The following RGS6 variants were observed in gnomAD, a reference collection of about 807,000 sequenced individuals.
RGS6 encodes the protein regulator of G-protein signaling 6.
RGS6 carries 30 observed loss-of-function variants against 78.5 expected under a neutral mutation model. The ratio of observed to expected loss-of-function variants is 0.38; its 90% CI spans 0.29 to 0.52. The LOEUF (loss-of-function observed/expected upper bound fraction) is 0.52, where lower values mean the gene tolerates loss of function less well. RGS6 is among the 20% of genes least tolerant of loss of function. The pLI is 0.85. For missense variants in RGS6, 495 were observed against 609.7 expected, an observed-to-expected ratio of 0.81 and a Z score of 1.98; for synonymous variants, 206 against 206.0, an observed-to-expected ratio of 1.00 and a Z score of 0.00.
rs547177062 is a variant in RGS6 at position 72,434,130 on chromosome 14, G to A, written c.185-20398G>A. Among the ~76,000 whole-genome samples, 7 of 152,048 alleles carry A rather than the reference G, an allele frequency of 4.6e-5. No homozygotes were observed. The East Asian group carries it at 1.2e-3, about 25-fold the overall frequency. On this transcript the variant is annotated intron_variant, in intron 3 of 17. Transcript: ENST00000553525. ...GCAGGAGGATCTCTTGAGCCCAGGA[G>A]TTTGAGATCAGCCTGGGCAAGGTAG...
At chr14:72,398,397 A>C (rs1053876337) in intron 3 of RGS6, among the ~76,000 whole-genome samples, 4 of 152,154 alleles carry the variant, frequency 2.6e-5, no homozygotes, top group Non-Finnish European at 4.4e-5. Context: ...CAGTGGTGAT[A>C]TCCCCTTTAT....
At chr14:71,884,999 T>C in the RGS6 span, among the ~76,000 whole-genome samples, 2 of 152,210 alleles carry the variant, frequency 1.3e-5, no homozygotes, top group Admixed American at 6.5e-5. Context: ...ACCTCCACCA[T>C]CCCCATTTTC....
chr14:71,959,136 G>T (rs183738905), intron 1 of RGS6, among the ~76,000 whole-genome samples: 1 of 152,252 alleles, frequency 6.6e-6, no homozygotes, highest in East Asian at 1.9e-4. Context: ...CGAATATATA[G>T]GAAATGTCAA....
chr14:72,256,415 A>G (rs2057092973), intron 2 of RGS6, among the ~76,000 whole-genome samples: 1 of 152,198 alleles, frequency 6.6e-6, no homozygotes, highest in Non-Finnish European at 1.5e-5. Context: ...GATGTTATCT[A>G]TAGGAGCAAT....
intron 2 of RGS6, among the ~76,000 whole-genome samples, chr14:72,345,856 A>G (rs1342377442): frequency 6.6e-6 from 1 of 152,240 alleles, no homozygotes; most frequent in East Asian, 1.9e-4. Flanking sequence ...TTTAAAAATA[A>G]AAAAGAGAAA....
chr14:72,070,421 CTTA>C (rs1797652041), intron 2 of RGS6, among the ~76,000 whole-genome samples: 1 of 152,176 alleles, frequency 6.6e-6, no homozygotes, highest in Non-Finnish European at 1.5e-5. Context: ...TGAGTTTTCA[CTTA>C]TTATAGTAAA....
At chr14:72,597,253 A>AGAGG in the RGS6 span, among the ~76,000 whole-genome samples, 62,673 of 150,150 alleles carry the variant, frequency 0.42, 14,156 homozygotes, top group East Asian at 0.75. Flanking sequence ...AAAAAGAAAG[A>AGAGG]GAGAGATAGT....
At chr14:72,050,361 A>G (rs895759687) in intron 2 of RGS6, among the ~76,000 whole-genome samples, 1 of 152,204 alleles carries the variant, frequency 6.6e-6, no homozygotes, top group Non-Finnish European at 1.5e-5. Context: ...CCTGTATGCA[A>G]AGCATGGAAG....
At chr14:72,487,979 C>G (rs2096520836) in intron 12 of RGS6, among the ~76,000 whole-genome samples, 2 of 152,124 alleles carry the variant, frequency 1.3e-5, no homozygotes, top group Admixed American at 6.5e-5. Flanking sequence ...CTCTTATAGC[C>G]CCAATACGTG....
At chr14:72,342,574 A>AAC (rs2077212374) in intron 2 of RGS6, among the ~76,000 whole-genome samples, 1 of 150,540 alleles carries the variant, frequency 6.6e-6, no homozygotes, top group Non-Finnish European at 1.5e-5. Context: ...TTAAAAAAAA[A>AAC]AAAAAACTAT....
At chr14:72,048,330 C>T (rs777233049) in intron 2 of RGS6, among the ~76,000 whole-genome samples, 2 of 152,294 alleles carry the variant, frequency 1.3e-5, no homozygotes, top group African/African-American at 2.4e-5. Flanking sequence ...CTTTAACTCA[C>T]TTCTCCAGGT....
At chr14:72,348,529 A>G (rs973953303) in intron 2 of RGS6, among the ~76,000 whole-genome samples, 7 of 152,246 alleles carry the variant, frequency 4.6e-5, no homozygotes, top group African/African-American at 1.7e-4. Context: ...AGAAACCATG[A>G]CAAGGAATTT....
intron 13 of RGS6, among the ~76,000 whole-genome samples, chr14:72,496,335 C>T (rs2096644910): frequency 1.3e-5 from 2 of 152,184 alleles, no homozygotes; most frequent in South Asian, 4.1e-4. Flanking sequence ...ATGGCAGATA[C>T]TGCATAAACT....
At chr14:72,580,404 G>T in the RGS6 span, among the ~76,000 whole-genome samples, 1 of 148,228 alleles carries the variant, frequency 6.7e-6, no homozygotes, top group Non-Finnish European at 1.5e-5. Flanking sequence ...AATTGTTCTT[G>T]CTCTGACCTG....
At chr14:72,166,755 G>T (rs2096933509) in intron 2 of RGS6, among the ~76,000 whole-genome samples, 1 of 152,192 alleles carries the variant, frequency 6.6e-6, no homozygotes, top group Non-Finnish European at 1.5e-5. Flanking sequence ...ATTGATCTCA[G>T]AAGATATAAC....
chr14:72,233,011 C>A (rs555939509), intron 2 of RGS6, among the ~76,000 whole-genome samples: 10 of 152,302 alleles, frequency 6.6e-5, no homozygotes, highest in Non-Finnish European at 1.3e-4. Flanking sequence ...TGCTACCCAC[C>A]TACAGAGCTC....
chr14:72,476,413 A>T (rs1224829052), intron 10 of RGS6, among the ~76,000 whole-genome samples: 2 of 152,198 alleles, frequency 1.3e-5, no homozygotes, highest in Admixed American at 1.3e-4. Flanking sequence ...CCAGGGGGCG[A>T]GGGGATACTC....
intron 2 of RGS6, among the ~76,000 whole-genome samples, chr14:72,223,422 C>A (rs1599820940): frequency 6.6e-6 from 1 of 152,214 alleles, no homozygotes; most frequent in Non-Finnish European, 1.5e-5. Flanking sequence ...ATTAAAATTT[C>A]CATTCATTAT....
At chr14:72,082,744 G>A (rs994880854) in intron 2 of RGS6, among the ~76,000 whole-genome samples, 9 of 152,014 alleles carry the variant, frequency 5.9e-5, no homozygotes, top group Admixed American at 1.3e-4. Context: ...GAAAAAAACC[G>A]GAAGTTCTTG....
Sources: allele counts gnomAD v4.1 joint callset (sites outside exome capture counted in the v4.1 genomes callset), GRCh38; gene constraint gnomAD v4.1.1; transcripts MANE v1.5; gene names NCBI Gene and HGNC (gene_info 2026-07-23, HGNC 2026-07-21).